The following MTR variants were observed in gnomAD, a reference collection of about 807,000 sequenced individuals.
The protein encoded by MTR is 5-methyltetrahydrofolate-homocysteine methyltransferase.
In MTR, 84 loss-of-function variants were observed where a neutral mutation model predicts 154.8. The observed-to-expected ratio is 0.54, with a 90% CI of 0.45 to 0.65. MTR has a LOEUF of 0.65. MTR is among the 30% of genes least tolerant of loss of function. The probability of loss-of-function intolerance (pLI) is 0.00; values close to 1 mark genes in which losing one functional copy is unlikely to be tolerated. For missense variants in MTR, 1,275 were observed against 1,570.2 expected, an observed-to-expected ratio of 0.81 and a Z score of 3.18; for synonymous variants, 554 against 553.9, an observed-to-expected ratio of 1.00 and a Z score of 0.00.
At chr1:236,852,423 G>GTTTTTTTTTTTT in intron 16 of MTR, 98 bp from the exon 17 acceptor site, 2 of 875,638 alleles carry the variant, frequency 2.3e-6, no homozygotes, top group Non-Finnish European at 3.8e-6. Context: ...GATGCTTTTT[G>GTTTTTTTTTTTT]TTTTTTTTTC....
intron 23 of MTR, 140 bp downstream of exon 23, chr1:236,873,980 CAG>C: frequency 2.4e-6 from 2 of 833,000 alleles, no homozygotes; most frequent in South Asian, 3.0e-5. Flanking sequence ...GCTCCTGCAC[CAG>C]GTTGCTTTCA....
chr1:236,820,679 G>T (rs1328664401), intron 8 of MTR, among the ~76,000 whole-genome samples: 1 of 152,168 alleles, frequency 6.6e-6, no homozygotes, highest in African/African-American at 2.4e-5. Context: ...GCAAGGAGGG[G>T]ATTGCTGTAT....
chr1:236,891,448 GC>G, intron 29 of MTR, 119 bp downstream of exon 29: 1 of 1,073,710 alleles, frequency 9.3e-7, no homozygotes. Flanking sequence ...CCAATCACAT[GC>G]CCAAGAAGTG....
At chr1:236,879,409 G>T (rs1665607231) in intron 24 of MTR, among the ~76,000 whole-genome samples, 1 of 152,190 alleles carries the variant, frequency 6.6e-6, no homozygotes, top group Admixed American at 6.5e-5. Context: ...TCATATAATA[G>T]CATATTCTGG....
intron 14 of MTR, among the ~76,000 whole-genome samples, chr1:236,837,381 G>A (rs542732204): frequency 6.6e-6 from 1 of 152,226 alleles, no homozygotes; most frequent in South Asian, 2.1e-4. Context: ...GGATTTTCCT[G>A]CCCCATTCTC....
intron 18 of MTR, among the ~76,000 whole-genome samples, chr1:236,859,024 A>G (rs942743989): frequency 1.1e-4 from 16 of 152,138 alleles, no homozygotes; most frequent in Admixed American, 8.5e-4. Context: ...CTTTCTTTAC[A>G]TATTTTCTAC....
chr1:236,887,993 A>T (rs1336436831), intron 27 of MTR, among the ~76,000 whole-genome samples: 1 of 152,248 alleles, frequency 6.6e-6, no homozygotes, highest in East Asian at 1.9e-4. Flanking sequence ...CCAACAAACC[A>T]ACATAATAGG....
chr1:236,862,689 C>T (rs1664614145), intron 21 of MTR, among the ~76,000 whole-genome samples: 1 of 152,200 alleles, frequency 6.6e-6, no homozygotes, highest in South Asian at 2.1e-4. Context: ...AAAGGTCTGT[C>T]CCCGCCCTTG....
chr1:236,821,117 T>C (rs1661914871), intron 8 of MTR, among the ~76,000 whole-genome samples: 1 of 152,230 alleles, frequency 6.6e-6, no homozygotes, highest in South Asian at 2.1e-4. Flanking sequence ...TTTATTTAGC[T>C]CACAGTTCTG....
At chr1:236,839,101 G>A (rs936616706) in intron 15 of MTR, among the ~76,000 whole-genome samples, 2 of 152,160 alleles carry the variant, frequency 1.3e-5, no homozygotes, top group African/African-American at 4.8e-5. Context: ...TCCTTATGTG[G>A]TCAATGACTG....
chr1:236,811,313 G>A (rs1451759026), intron 5 of MTR, among the ~76,000 whole-genome samples: 1 of 152,156 alleles, frequency 6.6e-6, no homozygotes, highest in African/African-American at 2.4e-5. Context: ...AGATTTGGGT[G>A]GGGACACAGC....
chr1:236,802,629 G>A (rs1351348178), intron 1 of MTR, among the ~76,000 whole-genome samples: 5 of 152,048 alleles, frequency 3.3e-5, no homozygotes, highest in Middle Eastern at 3.2e-3. Flanking sequence ...TTCTTTGTAC[G>A]GGATTAGGTG....
At chr1:236,872,538 A>C (rs879793005) in intron 22 of MTR, among the ~76,000 whole-genome samples, 1 of 152,122 alleles carries the variant, frequency 6.6e-6, no homozygotes, top group Non-Finnish European at 1.5e-5. Context: ...TAAATAGATA[A>C]GATAATGGAT....
chr1:236,814,429 A>G (rs151148447), intron 6 of MTR, among the ~76,000 whole-genome samples: 9 of 152,324 alleles, frequency 5.9e-5, no homozygotes, highest in African/African-American at 1.9e-4. Context: ...TTGAGTTTCT[A>G]AGTTTTCGAA....
chr1:236,893,949 G>T (rs1036618173), intron 29 of MTR, among the ~76,000 whole-genome samples: 31 of 152,108 alleles, frequency 2.0e-4, no homozygotes, highest in African/African-American at 7.2e-4. Flanking sequence ...CCATTTATTG[G>T]ATCTCTTTTG....
rs564811885 is a variant in MTR at position 236,866,012 on chromosome 1, AC to A, written c.2405+2459del. On this transcript the variant is annotated intron_variant, in intron 22 of 32. Coordinates refer to ENST00000366577, the MANE Select transcript of MTR (RefSeq NM_000254.3). ...AGGGCTTTTGGTTCTAAAAGCTGGGACTTCGTAATATGTCACCTTACTTTAC... is the reference window on the plus strand; with the variant it reads ...AGGGCTTTTGGTTCTAAAAGCTGGGATTCGTAATATGTCACCTTACTTTAC... Among the ~76,000 whole-genome samples, 120 of 152,288 alleles carry A rather than the reference AC, an allele frequency of 7.9e-4. 3 individuals are homozygous for A. Among genetic ancestry groups the A allele is most frequent in the African/African-American group, 2.8e-3 (118 of 41,562 alleles).
intron 1 of MTR, among the ~76,000 whole-genome samples, chr1:236,797,854 A>G (rs1660481807): frequency 6.6e-6 from 1 of 151,434 alleles, no homozygotes. Context: ...GCTACTCAGG[A>G]GGCTGAGGCA....
At chr1:236,832,099 C>T (rs1461603822) in intron 13 of MTR, 21 bp downstream of exon 13, 3 of 1,557,628 alleles carry the variant, frequency 1.9e-6, no homozygotes, top group Admixed American at 3.3e-5. Context: ...TAATAAGACC[C>T]CTGAGGCATC....
intron 22 of MTR, among the ~76,000 whole-genome samples, chr1:236,863,857 C>T (rs577293236): frequency 6.6e-5 from 10 of 152,182 alleles, no homozygotes; most frequent in South Asian, 2.1e-4. Flanking sequence ...TGCTAATAGC[C>T]GGAATATCAG....
Sources: allele counts gnomAD v4.1 joint callset (sites outside exome capture counted in the v4.1 genomes callset), GRCh38; gene constraint gnomAD v4.1.1; transcripts MANE v1.5; gene names NCBI Gene and HGNC (gene_info 2026-07-23, HGNC 2026-07-21).